Variants in MAF observed in about 807,000 individuals in gnomAD.
MAF encodes the protein MAF bZIP transcription factor.
In MAF, 10 loss-of-function variants were observed where a neutral mutation model predicts 22.0. The ratio of observed to expected loss-of-function variants is 0.45; its 90% CI spans 0.28 to 0.77. MAF has a LOEUF of 0.77. Among genes scored for constraint, MAF ranks in the 30% least tolerant of loss-of-function variants. The probability of loss-of-function intolerance (pLI) is 0.12; values close to 1 mark genes in which losing one functional copy is unlikely to be tolerated. For synonymous variants in MAF, 337 were observed against 255.8 expected, an observed-to-expected ratio of 1.32 and a Z score of -3.03; for missense variants, 544 against 548.4, an observed-to-expected ratio of 0.99 and a Z score of 0.08.
the MAF span, among the ~76,000 whole-genome samples, chr16:79,527,531 T>C: frequency 3.3e-5 from 5 of 152,174 alleles, no homozygotes; most frequent in Non-Finnish European, 5.9e-5. Context: ...CATTACAAAA[T>C]GGGAGATCTG....
the MAF span, among the ~76,000 whole-genome samples, chr16:79,226,079 C>T: frequency 7.2e-5 from 11 of 152,094 alleles, no homozygotes; most frequent in South Asian, 4.1e-4. Flanking sequence ...CAAATGCACA[C>T]GTATGTTTAT....
At chr16:79,507,972 T>G in the MAF span, among the ~76,000 whole-genome samples, 21 of 152,212 alleles carry the variant, frequency 1.4e-4, no homozygotes, top group Middle Eastern at 3.4e-3. Flanking sequence ...AGGGCCTATT[T>G]GGTGATGGCC....
At chr16:79,539,276 G>A in the MAF span, among the ~76,000 whole-genome samples, 1 of 152,244 alleles carries the variant, frequency 6.6e-6, no homozygotes, top group Non-Finnish European at 1.5e-5. Context: ...GGCCGAGCCG[G>A]GTGGATAACC....
chr16:79,589,989 C>T (rs547814115), downstream of MAF, among the ~76,000 whole-genome samples: 8 of 152,278 alleles, frequency 5.3e-5, no homozygotes, highest in Admixed American at 4.6e-4. Context: ...GACTCGGTAG[C>T]TTCAGGCAAT....
At chr16:79,416,512 A>AAC in the MAF span, among the ~76,000 whole-genome samples, 1 of 152,052 alleles carries the variant, frequency 6.6e-6, no homozygotes, top group East Asian at 1.9e-4. Context: ...AAAAAAAAAA[A>AAC]AGATCAGGCA....
At chr16:79,510,195 G>A in the MAF span, among the ~76,000 whole-genome samples, 3 of 152,290 alleles carry the variant, frequency 2.0e-5, no homozygotes, top group East Asian at 3.9e-4. Flanking sequence ...CAAATATAGT[G>A]CTTAGAAGCA....
chr16:79,253,562 G>C, the MAF span, among the ~76,000 whole-genome samples: 2 of 152,092 alleles, frequency 1.3e-5, no homozygotes, highest in Non-Finnish European at 2.9e-5. Context: ...AAGGGCCTCC[G>C]GGGCAGGTGT....
the MAF span, among the ~76,000 whole-genome samples, chr16:79,359,533 G>A: frequency 1.3e-5 from 2 of 152,232 alleles, no homozygotes; most frequent in Non-Finnish European, 2.9e-5. Flanking sequence ...ATGCCAGGGA[G>A]TGGGTTATGC....
the MAF span, among the ~76,000 whole-genome samples, chr16:79,236,072 C>G: frequency 1.3e-5 from 2 of 152,114 alleles, no homozygotes; most frequent in Admixed American, 6.6e-5. Flanking sequence ...ATAGTCCATG[C>G]TAGCTGAACC....
the MAF span, among the ~76,000 whole-genome samples, chr16:79,237,796 T>G: frequency 4.6e-5 from 7 of 152,120 alleles, no homozygotes; most frequent in Admixed American, 2.0e-4. Flanking sequence ...GCAGCGACAC[T>G]GCACCCTGTT....
the MAF span, among the ~76,000 whole-genome samples, chr16:79,534,805 C>T: frequency 6.6e-6 from 1 of 152,136 alleles, no homozygotes; most frequent in South Asian, 2.1e-4. Context: ...AGTGTACTGA[C>T]TGTAAGGGTC....
At chr16:79,571,530 A>ATTTTTTTTTTTTTT in the MAF span, among the ~76,000 whole-genome samples, 18 of 103,880 alleles carry the variant, frequency 1.7e-4, no homozygotes, top group African/African-American at 5.6e-4. Context: ...TCTCAGCGGA[A>ATTTTTTTTTTTTTT]TTTTTTTTTT....
the MAF span, chr16:79,206,046 A>C: frequency 1.3e-5 from 2 of 152,128 alleles, no homozygotes; most frequent in African/African-American, 4.8e-5. Context: ...TTGCTGTTGG[A>C]TCATCGAAGG....
the MAF span, among the ~76,000 whole-genome samples, chr16:79,560,983 T>C: frequency 1.3e-5 from 2 of 152,220 alleles, no homozygotes; most frequent in African/African-American, 4.8e-5. Context: ...GCCTAGGGGA[T>C]TTCATCCACT....
chr16:79,267,233 T>C, the MAF span, among the ~76,000 whole-genome samples: 1 of 152,162 alleles, frequency 6.6e-6, no homozygotes, highest in Non-Finnish European at 1.5e-5. Context: ...GCAGCTGCCA[T>C]CTTGGATGTG....
chr16:79,247,049 C>T, the MAF span, among the ~76,000 whole-genome samples: 1 of 152,164 alleles, frequency 6.6e-6, no homozygotes, highest in Non-Finnish European at 1.5e-5. Flanking sequence ...AAATAAATCA[C>T]AGTGCTGTGA....
the MAF span, among the ~76,000 whole-genome samples, chr16:79,393,966 G>A: frequency 6.6e-6 from 1 of 152,154 alleles, no homozygotes; most frequent in Non-Finnish European, 1.5e-5. Flanking sequence ...AACATTGTAT[G>A]TATTGCCTCA....
chr16:79,411,463 G>A, the MAF span, among the ~76,000 whole-genome samples: 1 of 152,162 alleles, frequency 6.6e-6, no homozygotes, highest in Non-Finnish European at 1.5e-5. Flanking sequence ...TCTGAAGCCT[G>A]CATGACAATG....
At chr16:79,485,401 T>C in the MAF span, among the ~76,000 whole-genome samples, 1 of 152,192 alleles carries the variant, frequency 6.6e-6, no homozygotes, top group African/African-American at 2.4e-5. Context: ...TTATGACCAG[T>C]TATTTGTATT....
Sources: gnomAD v4.1 joint callset for allele counts (sites outside exome capture counted in the v4.1 genomes callset) on GRCh38, gnomAD v4.1.1 for gene constraint, MANE v1.5 for transcripts, NCBI Gene and HGNC (gene_info 2026-07-23, HGNC 2026-07-21) for gene names.